The following TPST1 variants were observed in gnomAD, a reference collection of about 807,000 sequenced individuals.
TPST1 encodes tyrosylprotein sulfotransferase 1.
Under a neutral mutation model 34.8 loss-of-function variants are expected in TPST1, and 20 were observed. The observed-to-expected ratio is 0.57, with a 90% CI of 0.40 to 0.84. The LOEUF is 0.84. Among genes scored for constraint, TPST1 ranks in the 40% least tolerant of loss-of-function variants. The probability of loss-of-function intolerance (pLI) is 0.00; values close to 1 mark genes in which losing one functional copy is unlikely to be tolerated. For synonymous variants in TPST1, 152 were observed against 159.4 expected (o/e 0.95, Z 0.35); for missense variants, 353 against 455.5 (o/e 0.78, Z 2.05).
intron 3 of TPST1, among the ~76,000 whole-genome samples, chr7:66,324,800 CA>C (rs56389964): frequency 4.6e-5 from 5 of 109,264 alleles, no homozygotes; most frequent in East Asian, 3.1e-4. Flanking sequence ...GACTCTGTCT[CA>C]AAAAAAAAAA....
At chr7:66,238,308 A>T (rs1040700186) in intron 1 of TPST1, among the ~76,000 whole-genome samples, 1 of 151,824 alleles carries the variant, frequency 6.6e-6, no homozygotes, top group Admixed American at 6.6e-5. Context: ...CCTGTTAAGA[A>T]TTCCTTCGTT....
intron 3 of TPST1, among the ~76,000 whole-genome samples, chr7:66,325,457 T>G (rs1791844631): frequency 1.3e-5 from 2 of 152,052 alleles, no homozygotes; most frequent in African/African-American, 4.8e-5. Context: ...AAGAGAATAC[T>G]ATACAATGGT....
chr7:66,318,107 G>A (rs1171378418), intron 3 of TPST1, among the ~76,000 whole-genome samples: 2 of 152,078 alleles, frequency 1.3e-5, no homozygotes, highest in African/African-American at 4.8e-5. Context: ...ACAGCGAGCC[G>A]AGATCATGCC....
intron 3 of TPST1, 144 bp downstream of exon 3, chr7:66,286,853 A>AT: frequency 2.4e-6 from 1 of 412,468 alleles, no homozygotes; most frequent in Non-Finnish European, 3.4e-6. Context: ...ATTTTATTTT[A>AT]TTTTATTTTT....
chr7:66,200,942 G>A (rs894078250), upstream of TPST1, among the ~76,000 whole-genome samples: 2 of 151,958 alleles, frequency 1.3e-5, no homozygotes, highest in Non-Finnish European at 2.9e-5. Flanking sequence ...TGACCAGGCT[G>A]GTCTCGAACT....
intron 2 of TPST1, among the ~76,000 whole-genome samples, chr7:66,264,004 C>T (rs747847941): frequency 5.3e-5 from 8 of 152,124 alleles, no homozygotes; most frequent in Admixed American, 6.5e-5. Context: ...TCAGCTGGGG[C>T]TGAAATAACA....
At chr7:66,341,364 C>T (rs536854120) in intron 3 of TPST1, among the ~76,000 whole-genome samples, 15 of 152,204 alleles carry the variant, frequency 9.9e-5, no homozygotes, top group South Asian at 4.2e-4. Flanking sequence ...CTGCAACCTC[C>T]GCCTCCTGGG....
At chr7:66,262,085 G>T (rs1469946059) in intron 2 of TPST1, among the ~76,000 whole-genome samples, 1 of 152,122 alleles carries the variant, frequency 6.6e-6, no homozygotes, top group Non-Finnish European at 1.5e-5. Flanking sequence ...TAGTATTGCT[G>T]TCCACCTGGT....
chr7:66,214,014 T>C (rs1195605948), intron 1 of TPST1, among the ~76,000 whole-genome samples: 1 of 152,172 alleles, frequency 6.6e-6, no homozygotes, highest in Non-Finnish European at 1.5e-5. Flanking sequence ...CATAACAGCT[T>C]TATTGAGATA....
At chr7:66,306,651 C>G (rs532959796) in intron 3 of TPST1, among the ~76,000 whole-genome samples, 1 of 152,260 alleles carries the variant, frequency 6.6e-6, no homozygotes, top group East Asian at 1.9e-4. Flanking sequence ...CTTTTTACTT[C>G]CCTCCACAAT....
chr7:66,296,926 A>G (rs892819121), intron 3 of TPST1, among the ~76,000 whole-genome samples: 2 of 152,134 alleles, frequency 1.3e-5, no homozygotes, highest in African/African-American at 4.8e-5. Context: ...GCCTTCTTGC[A>G]TAGATTCTTA....
chr7:66,356,826 C>G lies in TPST1; in HGVS notation c.1097C>G (p.Thr366Ser), dbSNP rs1792591781. Residue 366 changes from threonine (T) to serine (S), a missense_variant and splice_region_variant, in exon 5 of 6, where the codon ACT becomes AGT. Transcript: ENST00000304842. Reference protein sequence around the residue: ...LPDFLKEKPQTEQVE With the variant: ...LPDFLKEKPQSEQVE ...AACATCTTTTCTTTCCTTCAACAGA[C>G]TGAGCAAGTGGAGTAGCAGAACCAG... is the stretch of plus-strand genomic sequence containing the variant. 9.3e-6 allele frequency: 15 copies of G among 1,614,192 alleles called. No individual in the cohort carries two copies. The highest frequency in any genetic ancestry group is 1.7e-5 in the Admixed American group (1 of 60,016).
intron 1 of TPST1, among the ~76,000 whole-genome samples, chr7:66,219,761 A>G (rs1789500667): frequency 6.6e-6 from 1 of 152,238 alleles, no homozygotes; most frequent in African/African-American, 2.4e-5. Flanking sequence ...CCTAATAATG[A>G]CTGGGACGTA....
intron 3 of TPST1, among the ~76,000 whole-genome samples, chr7:66,320,007 T>A (rs1272016883): frequency 6.6e-6 from 1 of 152,160 alleles, no homozygotes; most frequent in African/African-American, 2.4e-5. Context: ...CGCTTCCTGG[T>A]AGCACCCGAT....
At chr7:66,352,754 T>G in intron 4 of TPST1, 199 bp downstream of exon 4, 3 of 985,462 alleles carry the variant, frequency 3.0e-6, no homozygotes, top group Non-Finnish European at 3.6e-6. Context: ...TAACACAGTC[T>G]TAATTTCAGA....
intron 3 of TPST1, among the ~76,000 whole-genome samples, chr7:66,305,264 A>T (rs1374824909): frequency 6.6e-6 from 1 of 152,198 alleles, no homozygotes; most frequent in Non-Finnish European, 1.5e-5. Context: ...TGTACCTTTC[A>T]TGTGATCATG....
chr7:66,281,419 A>G (rs1790930171), intron 2 of TPST1, among the ~76,000 whole-genome samples: 1 of 152,126 alleles, frequency 6.6e-6, no homozygotes, highest in African/African-American at 2.4e-5. Context: ...GGTCTTCTTT[A>G]TACATCTGAT....
intron 3 of TPST1, among the ~76,000 whole-genome samples, chr7:66,351,540 T>C (rs900321309): frequency 1.1e-4 from 17 of 152,206 alleles, no homozygotes; most frequent in South Asian, 2.1e-4. Context: ...AGCTGTATAA[T>C]AGTAATGTAT....
At chr7:66,205,111 G>A (rs1365047344), upstream of TPST1, 1 of 152,218 alleles carries the variant, frequency 6.6e-6, no homozygotes, top group African/African-American at 2.4e-5. This position sits in a 1 kb window ranked among gnomAD's most constrained non-coding sequence, Gnocchi z 5.0. Flanking sequence ...AGCGCGCACG[G>A]GAAGGGCTGT....
Sources: allele counts gnomAD v4.1 joint callset (sites outside exome capture counted in the v4.1 genomes callset), GRCh38; gene constraint gnomAD v4.1.1; non-coding constraint Gnocchi (gnomAD v3.1); transcripts MANE v1.5; gene names NCBI Gene and HGNC (gene_info 2026-07-23, HGNC 2026-07-21).